The following MRPL49 variants were observed in gnomAD, a reference collection of about 807,000 sequenced individuals.
The protein encoded by MRPL49 is mitochondrial ribosomal protein L49, also known as large ribosomal subunit protein mL49.
In MRPL49, 14 loss-of-function variants were observed where a neutral mutation model predicts 18.4. The observed-to-expected ratio is 0.76, with a 90% CI of 0.50 to 1.19. The LOEUF is 1.19. Ranked by LOEUF, MRPL49 falls within the 50% of genes most tolerant of loss-of-function variation. MRPL49 has a pLI of 0.00. For synonymous variants in MRPL49, 104 were observed against 86.2 expected, an observed-to-expected ratio of 1.21 and a Z score of -1.14; for missense variants, 190 against 217.8, an observed-to-expected ratio of 0.87 and a Z score of 0.80.
intron 2 of MRPL49, 94 bp downstream of exon 2, chr11:65,124,746 G>T: frequency 7.0e-7 from 1 of 1,419,000 alleles, no homozygotes; most frequent in South Asian, 1.3e-5. Context: ...GGACTCTCCA[G>T]TGGGTTCAGG....
chr11:65,122,982 G>A (rs1948068043), intron 1 of MRPL49, among the ~76,000 whole-genome samples: 1 of 152,134 alleles, frequency 6.6e-6, no homozygotes, highest in African/African-American at 2.4e-5. Flanking sequence ...GCCTCCCAAA[G>A]TGCTGGGATT....
In MRPL49 at chr11:65,122,462, G is replaced by A. The variant is rs758708785; in HGVS notation, c.78+38G>A. 6.3e-7 allele frequency: 1 copy of A among 1,583,414 alleles called. No individual in the cohort carries two copies. Among genetic ancestry groups the A allele is most frequent in the African/African-American group, 1.3e-5 (1 of 74,364 alleles). ...AGCGAGGAGCTGAGGGCATCGCGTG[G>A]GTGTGAGGCTCAGTGTTAATCATTG... On this transcript the variant is annotated intron_variant, in intron 1 of 3. Transcript: ENST00000279242.
chr11:65,127,271 C>T lies in MRPL49; in HGVS notation c.*1399C>T, dbSNP rs1428068401. 24 of 473,330 alleles carry T rather than the reference C, an allele frequency of 5.1e-5. No individual in the cohort carries two copies. Among genetic ancestry groups the T allele is most frequent in the South Asian group, 4.1e-5 (1 of 24,142 alleles). The allele number at this position is 473,330 out of a possible 1,614,324, so 29.3% of individuals were successfully genotyped here. On this transcript the variant is annotated 3_prime_UTR_variant, in exon 4 of 4. Transcript: ENST00000279242. Reference sequence around the variant, plus strand: ...ATTTGATCGATTCTGTGACACAAACCCCACCAATTGTTAATGCAAGTTTTT... The same window carrying T: ...ATTTGATCGATTCTGTGACACAAACTCCACCAATTGTTAATGCAAGTTTTT...
chr11:65,125,917 G>C lies in MRPL49; in HGVS notation c.*45G>C. 2 of 1,560,260 alleles carry C rather than the reference G, an allele frequency of 1.3e-6. No individual in the cohort carries two copies. The highest frequency in any genetic ancestry group is 1.7e-6 in the Non-Finnish European group (2 of 1,151,744). On this transcript the variant is annotated 3_prime_UTR_variant, in exon 4 of 4. Transcript: ENST00000279242. ...CTTGTCAGCATGCCCTGTGGATCAA[G>C]TCTAGGGGGCCTCAGGAGGAGGGAG...
chr11:65,124,468 C>T (rs1339952032), intron 1 of MRPL49, 34 bp from the exon 2 acceptor site: 1 of 1,606,244 alleles, frequency 6.2e-7, no homozygotes, highest in Admixed American at 1.7e-5. Flanking sequence ...GTTGGGTAGG[C>T]TAATGGAGAA....
upstream of MRPL49, chr11:65,122,267 C>G (rs1255391140): frequency 7.3e-6 from 11 of 1,514,696 alleles, no homozygotes; most frequent in South Asian, 1.1e-4. Context: ...CACCGGCGAA[C>G]CTGCCTGGGC....
At chr11:65,124,779 GT>G in intron 2 of MRPL49, 127 bp downstream of exon 2, 1 of 1,048,444 alleles carries the variant, frequency 9.5e-7, no homozygotes, top group Non-Finnish European at 1.4e-6. Context: ...ATCCCTCTGG[GT>G]TACATCTGTC....
In MRPL49 at chr11:65,125,754, T is replaced by G. The variant is rs1948094520; in HGVS notation, c.383T>G (p.Leu128Arg). ...WALQKDVEDF[L>R]SPLLGKTPVT... is the part of the protein sequence containing the mutation. The stretch of plus-strand genomic sequence containing the variant: ...CTGCAGAAAGACGTGGAAGATTTTC[T>G]GAGCCCGCTGCTGGGGAAGACACCT... Residue 128 changes from leucine (L) to arginine (R), a missense_variant, in exon 4 of 4, where the codon CTG (leucine) becomes CGG (arginine). Physicochemically the swap from Leu to Arg is moderately radical, Grantham distance 102 (BLOSUM62 -2). Transcript: ENST00000279242. 3 of 1,613,724 alleles carry G rather than the reference T, an allele frequency of 1.9e-6. No homozygotes were observed. In the African/African-American group the frequency reaches 4.0e-5, roughly 22 times the overall value.
chr11:65,122,459 G>A, intron 1 of MRPL49, 35 bp downstream of exon 1: 1 of 1,586,748 alleles, frequency 6.3e-7, no homozygotes, highest in Non-Finnish European at 8.6e-7. Context: ...AGGGCATCGC[G>A]TGGGTGTGAG....
intron 1 of MRPL49, among the ~76,000 whole-genome samples, chr11:65,123,899 T>G (rs368298199): frequency 5.3e-5 from 8 of 152,088 alleles, no homozygotes; most frequent in Admixed American, 6.5e-5. Context: ...TTGTTTTGTT[T>G]TGTTTGAGAG....
upstream of MRPL49, chr11:65,122,307 A>G: frequency 6.2e-7 from 1 of 1,602,986 alleles, no homozygotes; most frequent in African/African-American, 1.3e-5. Context: ...GGGCGGGACC[A>G]GACAGTTGCG....
chr11:65,123,715 CAG>C (rs950428386), intron 1 of MRPL49, among the ~76,000 whole-genome samples: 11 of 152,042 alleles, frequency 7.2e-5, no homozygotes, highest in Admixed American at 2.0e-4. Flanking sequence ...GCCTAGGTGA[CAG>C]AGTGAGACTC....
At chr11:65,122,259 C>A, upstream of MRPL49, 1 of 1,471,690 alleles carries the variant, frequency 6.8e-7, no homozygotes, top group East Asian at 2.4e-5. Context: ...TACGCTCGCA[C>A]CGGCGAACCT....
Position 65,122,352 on chromosome 11 carries a change from A to C in MRPL49, c.6A>C (p.Ala2=). The C allele has an allele frequency of 6.2e-7, 1 of 1,612,678 alleles. No homozygotes were observed. Among genetic ancestry groups the C allele is most frequent in the Non-Finnish European group, 8.5e-7 (1 of 1,179,526 alleles). ...GGCTGGCGTAGCAGGTAAAGATGGCAGCTACCATGTTCCGGGCTACGCTGC... is the reference window on the plus strand; with the variant it reads ...GGCTGGCGTAGCAGGTAAAGATGGCCGCTACCATGTTCCGGGCTACGCTGC... The part of the protein sequence containing the change: M[A]ATMFRATLRG... Residue 2 remains alanine, a synonymous_variant, in exon 1 of 4, where the codon GCA becomes GCC. Coordinates refer to ENST00000279242, the MANE Select transcript of MRPL49 (RefSeq NM_004927.4).
intron 1 of MRPL49, among the ~76,000 whole-genome samples, chr11:65,123,506 G>A (rs1172319159): frequency 1.3e-5 from 2 of 152,352 alleles, no homozygotes; most frequent in Middle Eastern, 3.4e-3. Context: ...AGGCCAAGGC[G>A]CGTAGATCAC....
rs780177596 is a variant in MRPL49 at position 65,126,655 on chromosome 11, A to G, written c.*783A>G. ...TTGGTGCAGGTGATGGAGAACACAG[A>G]TGACTCGGGCATGGGTCTTGGAGAT... On this transcript the variant is annotated 3_prime_UTR_variant, in exon 4 of 4. Transcript: ENST00000279242. The G allele has an allele frequency of 1.6e-5, 4 of 252,374 alleles. No individual in the cohort carries two copies. Among genetic ancestry groups the G allele is most frequent in the Non-Finnish European group, 3.0e-5 (4 of 131,336 alleles). The allele number at this position is 252,374 out of a possible 1,614,324, so 15.6% of individuals were successfully genotyped here.
In MRPL49 at chr11:65,127,270, C is replaced by A; in HGVS notation, c.*1398C>A. The A allele has an allele frequency of 2.1e-6, 1 of 473,982 alleles. No homozygotes were observed. The highest frequency in any genetic ancestry group is 3.1e-4 in the Middle Eastern group (1 of 3,178). The allele number at this position is 473,982 out of a possible 1,614,324, so 29.4% of individuals were successfully genotyped here. On this transcript the variant is annotated 3_prime_UTR_variant, in exon 4 of 4. Coordinates refer to ENST00000279242, the MANE Select transcript of MRPL49 (RefSeq NM_004927.4). ...GATTTGATCGATTCTGTGACACAAA[C>A]CCCACCAATTGTTAATGCAAGTTTT... is the stretch of plus-strand genomic sequence containing the variant.
At chr11:65,125,344 A>G in intron 2 of MRPL49, 144 bp from the exon 3 acceptor site, 1 of 1,020,186 alleles carries the variant, frequency 9.8e-7, no homozygotes, top group South Asian at 1.5e-5. Flanking sequence ...GCTGAAGGAA[A>G]GAGGAGACCC....
At chr11:65,122,720 CTT>C (rs11445335) in intron 1 of MRPL49, among the ~76,000 whole-genome samples, 39 of 130,832 alleles carry the variant, frequency 3.0e-4, no homozygotes, top group African/African-American at 7.4e-4. Flanking sequence ...TGCCTTAATT[CTT>C]TTTTTTTTTT....
Sources: gnomAD v4.1 joint callset for allele counts (sites outside exome capture counted in the v4.1 genomes callset) on GRCh38, gnomAD v4.1.1 for gene constraint, MANE v1.5 for transcripts, NCBI Gene and HGNC (gene_info 2026-07-23, HGNC 2026-07-21) for gene names.